The following DCHS2 variants were observed in gnomAD, a reference collection of about 807,000 sequenced individuals.
DCHS2 encodes dachsous cadherin-related 2.
In DCHS2, 142 loss-of-function variants were observed where a neutral mutation model predicts 182.4. That is an observed-to-expected ratio of 0.78 (90% confidence interval 0.68 to 0.89). DCHS2 has a LOEUF of 0.89. Ranked by LOEUF, DCHS2 falls within the 40% of genes least tolerant of loss-of-function variation. DCHS2 has a pLI of 0.00. For missense variants in DCHS2, 4,319 were observed against 4,198.6 expected (o/e 1.03, Z -0.79); for synonymous variants, 1,740 against 1,663.3 (o/e 1.05, Z -1.12).
chr4:154,386,226 G>C (rs1049161211), intron 1 of DCHS2, among the ~76,000 whole-genome samples: 12 of 152,030 alleles, frequency 7.9e-5, no homozygotes, highest in Non-Finnish European at 7.4e-5. Context: ...TCTTTAATCT[G>C]ACCCCTGGCT....
rs59114419 is a variant in DCHS2, at chr4:154,268,881, T to A, written c.6577+1019A>T. ...ACTGTAGAAGAAATAAGACCAGGTC[T>A]GGGCCATGTTAGGAGTGCGGTGGCG... is the stretch of plus-strand genomic sequence containing the variant. On this transcript the variant is annotated intron_variant, in intron 14 of 19. Coordinates refer to ENST00000357232, the MANE Select transcript of DCHS2 (RefSeq NM_001358235.2). 6.1e-3 allele frequency among the ~76,000 whole-genome samples: 930 copies of A among 152,298 alleles called. 8 individuals carry two copies. The highest frequency in any genetic ancestry group is 0.02 in the African/African-American group (819 of 41,578).
intron 2 of DCHS2, among the ~76,000 whole-genome samples, chr4:154,367,953 TC>T (rs1225223473): frequency 6.7e-6 from 1 of 149,082 alleles, no homozygotes; most frequent in South Asian, 2.2e-4. Flanking sequence ...TCCCTTGTAC[TC>T]CAGGCTTTGA....
At chr4:154,449,133 G>A (rs1734425390) in intron 1 of DCHS2, among the ~76,000 whole-genome samples, 1 of 151,700 alleles carries the variant, frequency 6.6e-6, no homozygotes, top group African/African-American at 2.4e-5. Context: ...CTGCCTTTCT[G>A]CCCCTTCGCA....
chr4:154,306,728 T>A (rs1735453591), intron 10 of DCHS2, among the ~76,000 whole-genome samples: 1 of 152,106 alleles, frequency 6.6e-6, no homozygotes, highest in Admixed American at 6.6e-5. Flanking sequence ...ATGATTTTCT[T>A]ACACATTATA....
At chr4:154,311,405 T>G (rs1327330376) in intron 10 of DCHS2, among the ~76,000 whole-genome samples, 1 of 103,520 alleles carries the variant, frequency 9.7e-6, no homozygotes, top group Non-Finnish European at 2.5e-5. Flanking sequence ...CAAATTTTTA[T>G]ATTTTTTTTT....
chr4:154,410,323 T>C (rs948390020), intron 1 of DCHS2, among the ~76,000 whole-genome samples: 3 of 151,352 alleles, frequency 2.0e-5, no homozygotes, highest in African/African-American at 7.3e-5. Context: ...ATGGATATCA[T>C]ACAAAAGAAC....
intron 1 of DCHS2, among the ~76,000 whole-genome samples, chr4:154,466,510 C>T (rs1008849804): frequency 2.0e-5 from 3 of 152,160 alleles, no homozygotes; most frequent in African/African-American, 7.2e-5. Context: ...TACCTCATCC[C>T]TCGAGACCGC....
chr4:154,338,615 A>AT (rs1459296948), intron 3 of DCHS2, among the ~76,000 whole-genome samples: 1 of 152,220 alleles, frequency 6.6e-6, no homozygotes, highest in Non-Finnish European at 1.5e-5. Context: ...TCTACTCTAT[A>AT]TTTGTGTAAG....
intron 1 of DCHS2, among the ~76,000 whole-genome samples, chr4:154,457,302 C>A (rs1295393453): frequency 3.3e-5 from 5 of 152,324 alleles, no homozygotes; most frequent in Admixed American, 3.3e-4. Context: ...TCTTCCTCAA[C>A]TGCTAACTTT....
At chr4:154,450,099 G>T (rs542560157) in intron 1 of DCHS2, among the ~76,000 whole-genome samples, 1 of 152,152 alleles carries the variant, frequency 6.6e-6, no homozygotes, top group Admixed American at 6.5e-5. Flanking sequence ...AGAAGGAGCC[G>T]ACCCCTGGGA....
intron 1 of DCHS2, among the ~76,000 whole-genome samples, chr4:154,443,523 T>C (rs1021436710): frequency 9.2e-5 from 14 of 152,132 alleles, no homozygotes; most frequent in Admixed American, 2.0e-4. Flanking sequence ...AGAACTTCCA[T>C]ATTTTCCCAC....
chr4:154,315,756 C>G lies in DCHS2; in HGVS notation c.5252G>C (p.Arg1751Thr). 1 of 1,613,170 alleles carries G rather than the reference C, an allele frequency of 6.2e-7. No homozygotes were observed. Among genetic ancestry groups the G allele is most frequent in the South Asian group, 1.1e-5 (1 of 90,844 alleles). ...EFVTRVEALD[R>T]DSGVNSKLQF... Reference sequence around the variant, plus strand: ...CTGTATTTCTAAATTACCTGAATCTCTGTCCAGAGCTTCAACCCTGGTAAC... The same window carrying G: ...CTGTATTTCTAAATTACCTGAATCTGTGTCCAGAGCTTCAACCCTGGTAAC... The change falls in exon 10 of 20, where the codon AGA becomes ACA. Residue 1751 changes from arginine (R) to threonine (T), a missense_variant. Coordinates refer to ENST00000357232, the MANE Select transcript of DCHS2 (RefSeq NM_001358235.2).
chr4:154,255,532 T>C lies in DCHS2; in HGVS notation c.6928A>G (p.Thr2310Ala). 6.2e-7 allele frequency: 1 copy of C among 1,613,614 alleles called. No homozygotes were observed. Among genetic ancestry groups the C allele is most frequent in the Non-Finnish European group, 8.5e-7 (1 of 1,179,748 alleles). ...CCCTGGACCAACCTGTAGGAGCTGG[T>C]GAGCTCGTAATCTAGAATCGCTTTT... ...TTKAILDYEL[T>A]SSYSLIVQAT... The change falls in exon 16 of 20, where the codon ACC (threonine) becomes GCC (alanine). Residue 2310 changes from threonine (T) to alanine (A), a missense_variant. Transcript: ENST00000357232.
intron 18 of DCHS2, 120 bp from the exon 19 acceptor site, chr4:154,239,422 C>G: frequency 4.1e-6 from 6 of 1,453,308 alleles, no homozygotes; most frequent in Non-Finnish European, 5.6e-6. Context: ...ACAATACAAC[C>G]TGACTTTGTT....
At chr4:154,413,246 A>G (rs1193084993) in intron 1 of DCHS2, among the ~76,000 whole-genome samples, 1 of 152,082 alleles carries the variant, frequency 6.6e-6, no homozygotes, top group African/African-American at 2.4e-5. Flanking sequence ...CTTAAGCCCA[A>G]TTTCAATTAT....
intron 16 of DCHS2, among the ~76,000 whole-genome samples, chr4:154,250,571 C>G (rs1002333095): frequency 6.6e-6 from 1 of 152,184 alleles, no homozygotes; most frequent in Admixed American, 6.5e-5. Context: ...CTGTTCCTCT[C>G]CCTTCCTTTC....
At chr4:154,272,092 A>G (rs1251858844) in intron 13 of DCHS2, 1 of 152,182 alleles carries the variant, frequency 6.6e-6, no homozygotes, top group Non-Finnish European at 1.5e-5. Context: ...TTTTATGTAT[A>G]AAAATTCATA....
intron 12 of DCHS2, among the ~76,000 whole-genome samples, chr4:154,299,776 G>T (rs1211162166): frequency 1.3e-5 from 2 of 152,178 alleles, no homozygotes; most frequent in South Asian, 2.1e-4. Flanking sequence ...TTGTGCTCAA[G>T]ATCACAGATA....
intron 10 of DCHS2, among the ~76,000 whole-genome samples, chr4:154,311,773 A>G (rs767246361): frequency 5.9e-5 from 9 of 152,158 alleles, no homozygotes; most frequent in Non-Finnish European, 1.2e-4. Flanking sequence ...AGAACCTGGA[A>G]TAAATGTATT....
Sources: allele counts gnomAD v4.1 joint callset (sites outside exome capture counted in the v4.1 genomes callset), GRCh38; gene constraint gnomAD v4.1.1; transcripts MANE v1.5; gene names NCBI Gene and HGNC (gene_info 2026-07-23, HGNC 2026-07-21).